The following ZNF516 variants were observed in gnomAD, a reference collection of about 807,000 sequenced individuals.
ZNF516 encodes zinc finger protein 516.
ZNF516 carries 19 observed loss-of-function variants against 79.7 expected under a neutral mutation model. That is an observed-to-expected ratio of 0.24 (90% CI 0.17 to 0.35). ZNF516 has a LOEUF of 0.35. Among genes scored for constraint, ZNF516 ranks in the 10% least tolerant of loss-of-function variants. The pLI, the probability that ZNF516 is intolerant of heterozygous loss-of-function variation, is 1.00. For missense variants in ZNF516, 1,678 were observed against 1,679.5 expected (o/e 1.00, Z 0.02); for synonymous variants, 877 against 739.5 (o/e 1.19, Z -3.02).
chr18:76,453,807 A>G (rs1436046780), intron 2 of ZNF516, among the ~76,000 whole-genome samples: 2 of 152,220 alleles, frequency 1.3e-5, no homozygotes, highest in South Asian at 2.1e-4. Flanking sequence ...ATTACTAAAC[A>G]TGCTTTTTCG....
At chr18:76,471,063 TTC>T (rs1913806089) in intron 1 of ZNF516, among the ~76,000 whole-genome samples, 1 of 152,208 alleles carries the variant, frequency 6.6e-6, no homozygotes, top group Non-Finnish European at 1.5e-5. Context: ...TTCAGATACT[TTC>T]TTTTACCTAC....
intron 2 of ZNF516, among the ~76,000 whole-genome samples, chr18:76,455,064 T>G (rs925214511): frequency 2.6e-5 from 4 of 152,170 alleles, no homozygotes; most frequent in Admixed American, 6.5e-5. Flanking sequence ...TATCCCAGCC[T>G]GGGTTATATG....
intron 4 of ZNF516, 47 bp from the exon 5 acceptor site, chr18:76,371,618 C>G (rs553803289): frequency 2.6e-6 from 4 of 1,536,192 alleles, no homozygotes; most frequent in Non-Finnish European, 3.6e-6. Flanking sequence ...GTGGGGTTGG[C>G]GTGGAGGTGA....
chr18:76,415,714 T>C (rs1390743363), intron 3 of ZNF516, among the ~76,000 whole-genome samples: 3 of 152,058 alleles, frequency 2.0e-5, no homozygotes, highest in Admixed American at 6.5e-5. Context: ...TTACTGCAAA[T>C]TGCATCTCTC....
intron 2 of ZNF516, among the ~76,000 whole-genome samples, chr18:76,446,119 G>C (rs1912034871): frequency 6.6e-6 from 1 of 152,086 alleles, no homozygotes; most frequent in East Asian, 1.9e-4. Context: ...TTCTAGGCGT[G>C]TCCTTCACGC....
intron 3 of ZNF516, chr18:76,389,538 T>A (rs2075040658): frequency 1.3e-5 from 2 of 152,144 alleles, no homozygotes; most frequent in African/African-American, 4.8e-5. Context: ...GGAGGCATGA[T>A]CTCCCCCCGT....
chr18:76,403,967 C>T (rs776210158), intron 3 of ZNF516, among the ~76,000 whole-genome samples: 43 of 152,202 alleles, frequency 2.8e-4, no homozygotes, highest in Non-Finnish European at 5.1e-4. Flanking sequence ...CAACGAGCAC[C>T]GACCACCACT....
At chr18:76,456,785 A>C (rs80205707) in intron 2 of ZNF516, among the ~76,000 whole-genome samples, 1,734 of 152,250 alleles carry the variant, frequency 0.011, 37 homozygotes, top group African/African-American at 0.039. Flanking sequence ...CCTAAACACA[A>C]ATACTTTCTC....
upstream of ZNF516, chr18:76,496,356 G>T: frequency 1.6e-6 from 2 of 1,289,712 alleles, no homozygotes; most frequent in Non-Finnish European, 2.0e-6. Flanking sequence ...CGCCCAACGT[G>T]GCTCCGCGTA....
At chr18:76,444,161 A>AATT (rs1911901104) in intron 2 of ZNF516, among the ~76,000 whole-genome samples, 1 of 152,220 alleles carries the variant, frequency 6.6e-6, no homozygotes, top group Admixed American at 6.5e-5. Context: ...AAGTAAGGTA[A>AATT]AGCAGCAGAA....
intron 4 of ZNF516, among the ~76,000 whole-genome samples, chr18:76,373,879 A>G (rs1316324315): frequency 1.3e-5 from 2 of 152,264 alleles, no homozygotes; most frequent in Non-Finnish European, 2.9e-5. Context: ...AGTCAATCAC[A>G]AAGGTTATAA....
intron 1 of ZNF516, chr18:76,490,655 C>T (rs1599171824): frequency 1.4e-5 from 7 of 509,812 alleles, no homozygotes; most frequent in Non-Finnish European, 1.8e-5. Context: ...CCATGGTGAA[C>T]GTACATCACT....
At chr18:76,492,764 CCTGAAT>C (rs1915309573) in intron 1 of ZNF516, 4 of 985,494 alleles carry the variant, frequency 4.1e-6, no homozygotes, top group South Asian at 9.4e-5. Context: ...CAGGTTCCGA[CCTGAAT>C]CTGAAAGTGC....
Position 76,379,579 on chromosome 18 carries a change from C to T in ZNF516, c.2535G>A (p.Pro845=), listed in dbSNP as rs111553789. 1.1e-4 allele frequency: 170 copies of T among 1,613,636 alleles called. No homozygotes were observed. The African/African-American group carries it at 1.1e-3, about 11-fold the overall frequency. The change falls in exon 4 of 7, where the codon CCG becomes CCA. Residue 845 remains proline (P), a synonymous_variant. Coordinates refer to ENST00000443185, the MANE Select transcript of ZNF516 (RefSeq NM_014643.4). Reference sequence around the variant, plus strand: ...GGGGAGAAGAGCCACTTTTGGACCCCGGCATCCCCCCTGGCACCTGAGTGC... The same window carrying T: ...GGGGAGAAGAGCCACTTTTGGACCCTGGCATCCCCCCTGGCACCTGAGTGC... ...FTRTQVPGGM[P]GSKSGSSPLG... is the part of the protein sequence containing the mutation.
chr18:76,479,169 A>C (rs940091022), intron 1 of ZNF516, among the ~76,000 whole-genome samples: 10 of 152,094 alleles, frequency 6.6e-5, no homozygotes, highest in African/African-American at 2.4e-4. Flanking sequence ...CATTGGTGCG[A>C]TCTTAAGAGT....
intron 6 of ZNF516, among the ~76,000 whole-genome samples, chr18:76,367,912 T>C (rs569531824): frequency 4.6e-5 from 7 of 152,296 alleles, no homozygotes; most frequent in South Asian, 4.1e-4. Context: ...TAAAAGTCCA[T>C]TGACTTTAAG....
intron 2 of ZNF516, among the ~76,000 whole-genome samples, chr18:76,462,233 C>T (rs767373134): frequency 1.1e-4 from 17 of 152,200 alleles, no homozygotes; most frequent in Non-Finnish European, 2.4e-4. Flanking sequence ...CCAGCAGCTC[C>T]AGATTTGCAA....
intron 3 of ZNF516, among the ~76,000 whole-genome samples, chr18:76,436,000 A>G (rs746385026): frequency 7.9e-5 from 12 of 152,248 alleles, no homozygotes; most frequent in Non-Finnish European, 1.3e-4. Flanking sequence ...ACCTGACTTC[A>G]GGACAGCCTG....
chr18:76,431,825 G>A (rs113058222), intron 3 of ZNF516, among the ~76,000 whole-genome samples: 86 of 152,262 alleles, frequency 5.6e-4, no homozygotes, highest in African/African-American at 2.0e-3. Flanking sequence ...AGAACCGTGG[G>A]CCAAAATCAA....
Sources: gnomAD v4.1 joint callset for allele counts (sites outside exome capture counted in the v4.1 genomes callset) on GRCh38, gnomAD v4.1.1 for gene constraint, MANE v1.5 for transcripts, NCBI Gene and HGNC (gene_info 2026-07-23, HGNC 2026-07-21) for gene names.